PARP8: variants seen among roughly 807,000 people sequenced by gnomAD.
The protein encoded by PARP8 is poly(ADP-ribose) polymerase family member 8, also known as protein mono-ADP-ribosyltransferase PARP8.
Under a neutral mutation model 124.1 loss-of-function variants are expected in PARP8, and 51 were observed. That is an observed-to-expected ratio of 0.41 (90% CI 0.33 to 0.52). The LOEUF (loss-of-function observed/expected upper bound fraction) is 0.52, where lower values mean the gene tolerates loss of function less well. PARP8 is among the 20% of genes least tolerant of loss of function. PARP8 has a pLI of 0.21. For synonymous variants in PARP8, 391 were observed against 361.5 expected (o/e 1.08, Z -0.93); for missense variants, 860 against 1,018.9 (o/e 0.84, Z 2.12).
chr5:50,739,523 A>G (rs1234235559), intron 2 of PARP8, among the ~76,000 whole-genome samples: 1 of 151,848 alleles, frequency 6.6e-6, no homozygotes, highest in Non-Finnish European at 1.5e-5. Flanking sequence ...GATATTATTA[A>G]TCCAAATAAG....
At chr5:50,703,748 A>C (rs1446855957) in intron 2 of PARP8, among the ~76,000 whole-genome samples, 2 of 152,096 alleles carry the variant, frequency 1.3e-5, no homozygotes. Context: ...CTATCCCTAC[A>C]AAAAATTTAA....
chr5:50,837,306 A>T (rs974815145), intron 25 of PARP8, among the ~76,000 whole-genome samples: 1 of 152,166 alleles, frequency 6.6e-6, no homozygotes, highest in Non-Finnish European at 1.5e-5. Context: ...AATTCAAAAC[A>T]CATCAGAAGG....
chr5:50,754,495 C>T (rs545929057), intron 3 of PARP8, among the ~76,000 whole-genome samples: 6 of 151,938 alleles, frequency 3.9e-5, no homozygotes, highest in Non-Finnish European at 8.8e-5. Flanking sequence ...CATCCATGTC[C>T]CTACAAAGGA....
At chr5:50,766,143 G>A (rs193001138) in intron 7 of PARP8, among the ~76,000 whole-genome samples, 127 of 152,292 alleles carry the variant, frequency 8.3e-4, no homozygotes, top group African/African-American at 3.0e-3. Context: ...AAAAGTGAGT[G>A]ATGATAGATA....
chr5:50,807,192 C>A (rs1448064986), intron 14 of PARP8, among the ~76,000 whole-genome samples: 1 of 151,858 alleles, frequency 6.6e-6, no homozygotes, highest in Non-Finnish European at 1.5e-5. Flanking sequence ...TCTGTCACTC[C>A]ATTCAGAGGT....
At chr5:50,733,312 A>T (rs1322196890) in intron 2 of PARP8, among the ~76,000 whole-genome samples, 3 of 152,094 alleles carry the variant, frequency 2.0e-5, no homozygotes, top group East Asian at 1.9e-4. Flanking sequence ...AAACAAAAAA[A>T]AAATAAATGG....
At chr5:50,768,696 C>T (rs1208971668) in intron 7 of PARP8, among the ~76,000 whole-genome samples, 2 of 152,166 alleles carry the variant, frequency 1.3e-5, no homozygotes, top group Non-Finnish European at 2.9e-5. Flanking sequence ...AGTCATATTT[C>T]AAGCATTCAA....
At chr5:50,675,836 C>T (rs1000863490) in intron 2 of PARP8, among the ~76,000 whole-genome samples, 1 of 151,854 alleles carries the variant, frequency 6.6e-6, no homozygotes, top group African/African-American at 2.4e-5. Flanking sequence ...AGAGTGATGT[C>T]ACATTAAAAA....
chr5:50,719,943 A>C (rs893687614), intron 2 of PARP8, among the ~76,000 whole-genome samples: 3 of 152,078 alleles, frequency 2.0e-5, no homozygotes, highest in African/African-American at 7.2e-5. Flanking sequence ...TAAAAGACTT[A>C]AGAGAACCTG....
intron 2 of PARP8, among the ~76,000 whole-genome samples, chr5:50,711,894 G>A (rs1024548059): frequency 2.6e-5 from 4 of 151,906 alleles, no homozygotes; most frequent in African/African-American, 4.8e-5. Flanking sequence ...TCTTTTAAGC[G>A]AGTAGAGTAA....
chr5:50,833,902 T>A (rs1225406364), intron 23 of PARP8, 77 bp from the exon 24 acceptor site: 5 of 1,215,234 alleles, frequency 4.1e-6, no homozygotes, highest in South Asian at 1.2e-5. Flanking sequence ...TAGTGACTAT[T>A]ACTTTTTAAT....
At chr5:50,771,206 C>T (rs1444875528) in intron 7 of PARP8, among the ~76,000 whole-genome samples, 1 of 151,852 alleles carries the variant, frequency 6.6e-6, no homozygotes, top group Non-Finnish European at 1.5e-5. Context: ...GTTGCCCAAG[C>T]TGGAGTGCAA....
chr5:50,754,618 AT>A (rs1180905409), intron 3 of PARP8, among the ~76,000 whole-genome samples: 1 of 152,054 alleles, frequency 6.6e-6, no homozygotes, highest in African/African-American at 2.4e-5. Context: ...AGTCTTTGCT[AT>A]TGTGAATAGT....
In PARP8 at chr5:50,788,727, G is replaced by C. The variant is rs984443851; in HGVS notation, c.737+138G>C. 3 of 694,172 alleles carry C rather than the reference G, an allele frequency of 4.3e-6. No individual in the cohort carries two copies. The African/African-American group carries it at 5.4e-5, about 13-fold the overall frequency. 43.0% of individuals were successfully genotyped at this position (694,172 alleles called of 1,614,324 possible). On this transcript the variant is annotated intron_variant, in intron 10 of 25. Transcript: ENST00000281631. The stretch of plus-strand genomic sequence containing the variant: ...GTCCCTCAAGAGAGGAAATCATCAT[G>C]ATGCTAAGAGCTGCGTTGATAATTT...
chr5:50,733,493 A>G (rs764901029), intron 2 of PARP8, among the ~76,000 whole-genome samples: 3 of 152,172 alleles, frequency 2.0e-5, no homozygotes, highest in Non-Finnish European at 4.4e-5. Flanking sequence ...AAAGCCTCCT[A>G]AATGATGTCT....
chr5:50,806,054 A>T (rs772844038), intron 14 of PARP8, among the ~76,000 whole-genome samples: 1 of 152,062 alleles, frequency 6.6e-6, no homozygotes, highest in Non-Finnish European at 1.5e-5. Flanking sequence ...AAAAGATAAT[A>T]GTAATGTTAT....
At chr5:50,670,549 A>C (rs577985226) in intron 2 of PARP8, among the ~76,000 whole-genome samples, 3 of 152,242 alleles carry the variant, frequency 2.0e-5, no homozygotes, top group Non-Finnish European at 2.9e-5. Context: ...GATTGTGTCC[A>C]TGCTGGCAAG....
At position 50,829,874 on chromosome 5, in the gene PARP8, C is replaced by A. The variant is rs201582246; in HGVS notation, c.2164-18C>A. The stretch of plus-strand genomic sequence containing the variant: ...CCATGAACAGACCTCTCTCTCTCTC[C>A]CACTCTTCCCATCTTAGCTCCATGG... On this transcript the variant is annotated intron_variant, in intron 21 of 25. Transcript: ENST00000281631. The A allele has an allele frequency of 3.2e-6, 5 of 1,587,082 alleles. No individual in the cohort carries two copies. In the Admixed American group the frequency reaches 6.8e-5, roughly 22 times the overall value.
chr5:50,841,587 G>A (rs919119614), intron 25 of PARP8, among the ~76,000 whole-genome samples: 4 of 151,832 alleles, frequency 2.6e-5, no homozygotes, highest in Non-Finnish European at 4.4e-5. Context: ...GATCGAAGTA[G>A]GAGTAGAATT....
Sources: allele counts gnomAD v4.1 joint callset (sites outside exome capture counted in the v4.1 genomes callset), GRCh38; gene constraint gnomAD v4.1.1; transcripts MANE v1.5; gene names NCBI Gene and HGNC (gene_info 2026-07-23, HGNC 2026-07-21).